The following ARNT2 variants were observed in gnomAD, a reference collection of about 807,000 sequenced individuals.
ARNT2 encodes aryl hydrocarbon receptor nuclear translocator 2, also known as ARNT protein 2.
A neutral mutation model predicts 91.7 loss-of-function variants in ARNT2; 36 were observed. The ratio of observed to expected loss-of-function variants is 0.39; its 90% CI spans 0.30 to 0.52. The LOEUF (loss-of-function observed/expected upper bound fraction) is 0.52, where lower values mean the gene tolerates loss of function less well. ARNT2 is among the 20% of genes least tolerant of loss of function. The pLI is 0.72. For missense variants in ARNT2, 775 were observed against 939.3 expected (o/e 0.83, Z 2.29); for synonymous variants, 365 against 347.1 (o/e 1.05, Z -0.57).
intron 1 of ARNT2, among the ~76,000 whole-genome samples, chr15:80,434,948 T>A (rs2141572343): frequency 6.6e-6 from 1 of 152,034 alleles, no homozygotes; most frequent in South Asian, 2.1e-4. Context: ...GAGGCCACCT[T>A]CTCCTTTTAT....
chr15:80,549,408 C>G (rs1291621846), intron 8 of ARNT2, among the ~76,000 whole-genome samples: 1 of 152,048 alleles, frequency 6.6e-6, no homozygotes, highest in African/African-American at 2.4e-5. Context: ...TAAATCACCA[C>G]AAAGTCAAAA....
intron 12 of ARNT2, among the ~76,000 whole-genome samples, chr15:80,569,589 G>A (rs1300895996): frequency 1.3e-5 from 2 of 152,124 alleles, no homozygotes; most frequent in Non-Finnish European, 2.9e-5. Context: ...CTGATGTTCC[G>A]ACCACAGAGC....
intron 5 of ARNT2, among the ~76,000 whole-genome samples, chr15:80,479,311 G>T (rs571797916): frequency 6.6e-6 from 1 of 152,214 alleles, no homozygotes; most frequent in Non-Finnish European, 1.5e-5. Context: ...TTCCTAGCTG[G>T]AGAGGTGGTG....
chr15:80,540,022 C>A (rs1212923993), intron 8 of ARNT2, among the ~76,000 whole-genome samples: 1 of 152,080 alleles, frequency 6.6e-6, no homozygotes, highest in Admixed American at 6.6e-5. Flanking sequence ...CATGATCCAG[C>A]AATCCCACTA....
intron 13 of ARNT2, 144 bp downstream of exon 13, chr15:80,574,364 C>G: frequency 1.2e-5 from 9 of 744,308 alleles, no homozygotes; most frequent in Non-Finnish European, 2.0e-5. Flanking sequence ...ACCTACAGGT[C>G]CCCTGGGGGT....
chr15:80,508,352 C>T, intron 6 of ARNT2, 94 bp downstream of exon 6: 1 of 1,240,124 alleles, frequency 8.1e-7, no homozygotes, highest in Non-Finnish European at 1.2e-6. Context: ...CGCAGTCACA[C>T]ATGCCAACGT....
intron 6 of ARNT2, among the ~76,000 whole-genome samples, chr15:80,511,976 G>A (rs536382552): frequency 8.5e-5 from 13 of 152,240 alleles, no homozygotes; most frequent in African/African-American, 3.1e-4. Flanking sequence ...TAGGATATAC[G>A]GCACGTAGCA....
chr15:80,481,556 TA>T (rs1216621700), intron 5 of ARNT2, among the ~76,000 whole-genome samples: 9 of 151,918 alleles, frequency 5.9e-5, no homozygotes, highest in Non-Finnish European at 1.5e-5. Context: ...CAAAAAAATT[TA>T]AAAAAATTAG....
chr15:80,581,244 C>A lies in ARNT2; in HGVS notation c.1758C>A (p.Ile586=). The change falls in exon 17 of 19, where the codon ATC becomes ATA. Residue 586 remains isoleucine, a synonymous_variant. Transcript: ENST00000303329. The part of the protein sequence containing the change: ...GSRPPFPGQQ[I]PSQSSKTQSS... The stretch of plus-strand genomic sequence containing the variant: ...TTGCTTTGTCCTGATTGTAGCAAAT[C>A]CCATCTCAGTCCAGCAAGACTCAGT... 1.2e-6 allele frequency: 2 copies of A among 1,614,124 alleles called. No homozygotes were observed. Among genetic ancestry groups the A allele is most frequent in the Non-Finnish European group, 1.7e-6 (2 of 1,179,998 alleles).
chr15:80,452,804 T>C (rs1896419048), intron 2 of ARNT2, among the ~76,000 whole-genome samples: 1 of 152,172 alleles, frequency 6.6e-6, no homozygotes, highest in Non-Finnish European at 1.5e-5. Flanking sequence ...TCCCCTCCCG[T>C]AGGGCCTGGG....
intron 1 of ARNT2, among the ~76,000 whole-genome samples, chr15:80,409,892 G>T (rs1895656403): frequency 6.6e-6 from 1 of 152,176 alleles, no homozygotes; most frequent in African/African-American, 2.4e-5. Flanking sequence ...CCCTGAGTTG[G>T]GAAGAGCTGG....
At chr15:80,509,045 G>A (rs1447766179) in intron 6 of ARNT2, among the ~76,000 whole-genome samples, 1 of 152,168 alleles carries the variant, frequency 6.6e-6, no homozygotes, top group African/African-American at 2.4e-5. Flanking sequence ...AGTGATGTGA[G>A]GTGATGCCAC....
intron 12 of ARNT2, among the ~76,000 whole-genome samples, chr15:80,573,498 C>T (rs914540261): frequency 2.6e-5 from 4 of 152,158 alleles, no homozygotes. Context: ...TCATTTGCCC[C>T]ATTTTTAGGC....
chr15:80,471,486 T>C (rs1896730564), intron 4 of ARNT2, among the ~76,000 whole-genome samples: 1 of 152,006 alleles, frequency 6.6e-6, no homozygotes, highest in African/African-American at 2.4e-5. Context: ...GTGACATGAG[T>C]TTACTCCCTT....
intron 3 of ARNT2, among the ~76,000 whole-genome samples, chr15:80,469,417 G>A (rs550342975): frequency 1.2e-4 from 19 of 152,006 alleles, no homozygotes; most frequent in African/African-American, 4.1e-4. Flanking sequence ...AAGTAAATTT[G>A]TAGCATTATT....
chr15:80,543,580 G>A (rs1474384402), intron 8 of ARNT2, among the ~76,000 whole-genome samples: 3 of 152,220 alleles, frequency 2.0e-5, no homozygotes, highest in South Asian at 4.2e-4. Flanking sequence ...ACTTTTAAGT[G>A]TATTAGGCCA....
intron 1 of ARNT2, among the ~76,000 whole-genome samples, chr15:80,442,134 C>A (rs545094012): frequency 6.6e-6 from 1 of 152,330 alleles, no homozygotes; most frequent in East Asian, 1.9e-4. Context: ...GACCAGAAAT[C>A]TCCAGGGACT....
In ARNT2 at chr15:80,513,920, T is replaced by C; in HGVS notation, c.735T>C (p.Asn245=). 6.2e-7 allele frequency: 1 copy of C among 1,613,440 alleles called. No homozygotes were observed. The highest frequency in any genetic ancestry group is 8.5e-7 in the Non-Finnish European group (1 of 1,179,414). The change falls in exon 7 of 19, where the codon AAT becomes AAC. Residue 245 remains asparagine (N), a synonymous_variant. Transcript: ENST00000303329. Reference sequence around the variant, plus strand: ...ACTTGTCACATCTTAGGTGTGGAAATGCTCCTTTGGACCACCTTCCTCTAA... The same window carrying C: ...ACTTGTCACATCTTAGGTGTGGAAACGCTCCTTTGGACCACCTTCCTCTAA... ...RSFICRMRCG[N]APLDHLPLNR...
At chr15:80,527,442 T>G (rs1897656357) in intron 8 of ARNT2, among the ~76,000 whole-genome samples, 1 of 152,036 alleles carries the variant, frequency 6.6e-6, no homozygotes, top group Admixed American at 6.6e-5. Context: ...AAAGAGAGAG[T>G]AACATTTGAG....
Sources: allele counts gnomAD v4.1 joint callset (sites outside exome capture counted in the v4.1 genomes callset), GRCh38; gene constraint gnomAD v4.1.1; transcripts MANE v1.5; gene names NCBI Gene and HGNC (gene_info 2026-07-23, HGNC 2026-07-21).